ASCC1: variants seen among roughly 807,000 people sequenced by gnomAD.
ASCC1 encodes ASC-1 complex subunit P50.
A neutral mutation model predicts 46.6 loss-of-function variants in ASCC1; 35 were observed. The ratio of observed to expected loss-of-function variants is 0.75; its 90% confidence interval spans 0.57 to 0.99. The LOEUF is 0.99. ASCC1 is among the 50% of genes least tolerant of loss of function. The probability of loss-of-function intolerance (pLI) is 0.00; values close to 1 mark genes in which losing one functional copy is unlikely to be tolerated. For synonymous variants in ASCC1, 143 were observed against 146.6 expected (o/e 0.98, Z 0.18); for missense variants, 376 against 428.7 (o/e 0.88, Z 1.09).
intron 5 of ASCC1, among the ~76,000 whole-genome samples, chr10:72,177,068 T>C (rs1851946946): frequency 6.6e-6 from 1 of 152,146 alleles, no homozygotes; most frequent in African/African-American, 2.4e-5. Flanking sequence ...GAGTCCATTG[T>C]TGGCACATAA....
At chr10:72,173,170 G>A (rs1176252772) in intron 5 of ASCC1, among the ~76,000 whole-genome samples, 1 of 151,492 alleles carries the variant, frequency 6.6e-6, no homozygotes, top group Non-Finnish European at 1.5e-5. Flanking sequence ...GAAATGACTA[G>A]GAAACATAAG....
intron 9 of ASCC1, among the ~76,000 whole-genome samples, chr10:72,100,307 C>T (rs181712647): frequency 1.0e-3 from 152 of 152,030 alleles, no homozygotes; most frequent in Non-Finnish European, 1.7e-3. Context: ...CAGCTCACCA[C>T]AACCTCTGCC....
chr10:72,170,074 C>T (rs1241030387), intron 5 of ASCC1, among the ~76,000 whole-genome samples: 1 of 151,488 alleles, frequency 6.6e-6, no homozygotes, highest in African/African-American at 2.4e-5. Flanking sequence ...GAGACAAGAT[C>T]GTGCCATTGC....
chr10:72,168,233 C>T (rs923315347), intron 5 of ASCC1, among the ~76,000 whole-genome samples: 15 of 151,882 alleles, frequency 9.9e-5, no homozygotes, highest in Non-Finnish European at 1.6e-4. Context: ...TTTTAAAAAT[C>T]AAAGAAAAAA....
chr10:72,189,633 T>A (rs920317725), intron 5 of ASCC1, among the ~76,000 whole-genome samples: 4 of 151,456 alleles, frequency 2.6e-5, no homozygotes, highest in Admixed American at 1.3e-4. Context: ...AGAAACCCCA[T>A]CTCTATTAAA....
intron 7 of ASCC1, among the ~76,000 whole-genome samples, chr10:72,144,908 C>T (rs766527304): frequency 2.6e-5 from 4 of 152,192 alleles, no homozygotes; most frequent in Non-Finnish European, 4.4e-5. Flanking sequence ...ATATCTCAGA[C>T]TTTCTGGATT....
intron 4 of ASCC1, 121 bp from the exon 5 acceptor site, chr10:72,197,110 A>G: frequency 1.2e-6 from 1 of 845,014 alleles, no homozygotes. Flanking sequence ...ATGAATCTAA[A>G]CAGGGGACAA....
chr10:72,204,921 G>C (rs1856985204), intron 3 of ASCC1, among the ~76,000 whole-genome samples: 1 of 152,184 alleles, frequency 6.6e-6, no homozygotes, highest in Admixed American at 6.6e-5. Flanking sequence ...ATCACAAAAA[G>C]CAGTGGTTCA....
intron 6 of ASCC1, among the ~76,000 whole-genome samples, chr10:72,154,692 A>G (rs375142684): frequency 4.6e-5 from 7 of 152,178 alleles, no homozygotes; most frequent in South Asian, 2.1e-4. Context: ...AGGTTTTGCC[A>G]TGTTGCCCAG....
intron 7 of ASCC1, among the ~76,000 whole-genome samples, chr10:72,137,968 G>A (rs544287668): frequency 2.1e-4 from 32 of 152,006 alleles, no homozygotes; most frequent in African/African-American, 7.0e-4. Flanking sequence ...AGGCTCAAGC[G>A]ATTCTCCTAC....
chr10:72,177,474 C>G (rs1190591982), intron 5 of ASCC1, among the ~76,000 whole-genome samples: 1 of 152,134 alleles, frequency 6.6e-6, no homozygotes, highest in Admixed American at 6.6e-5. Context: ...GGGATGCAGA[C>G]CCATTACCCA....
At chr10:72,200,503 C>T (rs1447435183) in intron 4 of ASCC1, among the ~76,000 whole-genome samples, 2 of 151,808 alleles carry the variant, frequency 1.3e-5, no homozygotes, top group Non-Finnish European at 2.9e-5. Flanking sequence ...ACAAAAGTAG[C>T]CAGGCATGAT....
intron 7 of ASCC1, among the ~76,000 whole-genome samples, chr10:72,137,588 G>A (rs952988951): frequency 9.4e-5 from 14 of 149,600 alleles, no homozygotes; most frequent in Non-Finnish European, 1.6e-4. Context: ...TAAAAGCACG[G>A]AAACCAATTA....
chr10:72,099,858 C>T (rs1371234113), intron 9 of ASCC1, among the ~76,000 whole-genome samples: 2 of 151,972 alleles, frequency 1.3e-5, no homozygotes, highest in South Asian at 2.1e-4. Context: ...AAAGCTAGTA[C>T]AAGTACCTTG....
At chr10:72,117,474 G>A (rs1843627346) in intron 9 of ASCC1, among the ~76,000 whole-genome samples, 1 of 152,148 alleles carries the variant, frequency 6.6e-6, no homozygotes, top group Admixed American at 6.5e-5. Context: ...TTTTTGCACT[G>A]ATTGAGAACG....
At chr10:72,112,557 T>C (rs1404499473) in intron 9 of ASCC1, among the ~76,000 whole-genome samples, 2 of 152,110 alleles carry the variant, frequency 1.3e-5, no homozygotes, top group Non-Finnish European at 2.9e-5. Context: ...ATGGTTAAAA[T>C]AGCCAATCTT....
intron 5 of ASCC1, among the ~76,000 whole-genome samples, chr10:72,168,612 G>A (rs189158011): frequency 3.9e-5 from 6 of 152,356 alleles, no homozygotes; most frequent in African/African-American, 1.4e-4. Flanking sequence ...ATATGCTGAA[G>A]CCCTTCCACT....
At position 72,106,685 on chromosome 10, in the gene ASCC1, C is replaced by T. The variant is rs1205358145; in HGVS notation, c.958-9235G>A. ...GAAGCCTTGCTGTGGTTAAATAACA[C>T]CTTTCATCTAAGGATCTAAAAGTGT... On this transcript the variant is annotated intron_variant, in intron 9 of 9. Coordinates refer to ENST00000672957, the MANE Select transcript of ASCC1 (RefSeq NM_001198800.3). 1.3e-5 allele frequency among the ~76,000 whole-genome samples: 2 copies of T among 152,316 alleles called. 1 individual carries two copies. Among genetic ancestry groups the T allele is most frequent in the South Asian group, 4.1e-4 (2 of 4,828 alleles).
In ASCC1 at chr10:72,097,097, A is replaced by G. The variant is rs1841172814; in HGVS notation, c.*237T>C. ...TTTACGACAATTTAAAAATTAAAAG[A>G]AAAAAAACCAGAACACACTAAGGGT... On this transcript the variant is annotated 3_prime_UTR_variant, in exon 10 of 10. Transcript: ENST00000672957. The G allele has an allele frequency of 1.8e-6, 1 of 556,954 alleles. No homozygotes were observed. The highest frequency in any genetic ancestry group is 3.4e-6 in the Non-Finnish European group (1 of 293,316). The allele number at this position is 556,954 out of a possible 1,614,324, so 34.5% of individuals were successfully genotyped here. A position where few individuals can be genotyped will look rare whatever the true frequency, so the allele number is the denominator to read the frequency against.
Sources: gnomAD v4.1 joint callset for allele counts (sites outside exome capture counted in the v4.1 genomes callset) on GRCh38, gnomAD v4.1.1 for gene constraint, MANE v1.5 for transcripts, NCBI Gene and HGNC (gene_info 2026-07-23, HGNC 2026-07-21) for gene names.